Variants in PLCB1 observed in about 807,000 individuals in gnomAD.
The protein encoded by PLCB1 is phospholipase C beta 1, also known as 1-phosphatidylinositol 4,5-bisphosphate phosphodiesterase beta-1.
PLCB1 carries 46 observed loss-of-function variants against 161.8 expected under a neutral mutation model. That is an observed-to-expected ratio of 0.28 (90% CI 0.22 to 0.36). PLCB1 has a LOEUF of 0.36. Among genes scored for constraint, PLCB1 ranks in the 10% least tolerant of loss-of-function variants. PLCB1 has a pLI of 1.00. For synonymous variants in PLCB1, 517 were observed against 503.7 expected (o/e 1.03, Z -0.35); for missense variants, 1,016 against 1,472.5 (o/e 0.69, Z 5.07).
chr20:8,209,928 G>T (rs1978732943), intron 2 of PLCB1, among the ~76,000 whole-genome samples: 1 of 151,924 alleles, frequency 6.6e-6, no homozygotes, highest in Non-Finnish European at 1.5e-5. Flanking sequence ...ACATTGAACT[G>T]CTGGGCACAA....
At chr20:8,234,374 T>C (rs763521578) in intron 2 of PLCB1, among the ~76,000 whole-genome samples, 5 of 152,082 alleles carry the variant, frequency 3.3e-5, no homozygotes, top group Non-Finnish European at 5.9e-5. Flanking sequence ...AAATATGCAG[T>C]GTATGATTGT....
chr20:8,303,251 A>G (rs1983988319), intron 2 of PLCB1, among the ~76,000 whole-genome samples: 1 of 152,108 alleles, frequency 6.6e-6, no homozygotes, highest in Non-Finnish European at 1.5e-5. Flanking sequence ...CGGGGTTTCA[A>G]CGTAAAGGTC....
intron 2 of PLCB1, among the ~76,000 whole-genome samples, chr20:8,342,690 C>T (rs1334407540): frequency 6.6e-6 from 1 of 152,202 alleles, no homozygotes; most frequent in Non-Finnish European, 1.5e-5. Context: ...AACCTGTTCT[C>T]AGCAAATCCC....
intron 3 of PLCB1, among the ~76,000 whole-genome samples, chr20:8,456,432 T>G (rs1232716445): frequency 1.3e-5 from 2 of 152,234 alleles, no homozygotes; most frequent in African/African-American, 2.4e-5. Context: ...GTTTGTTTAG[T>G]AGCACTGGTT....
intron 2 of PLCB1, among the ~76,000 whole-genome samples, chr20:8,300,817 A>G (rs1983875547): frequency 6.6e-6 from 1 of 152,130 alleles, no homozygotes; most frequent in South Asian, 2.1e-4. Context: ...GAAGACAGGA[A>G]TGGATTGGCA....
chr20:8,635,102 T>C (rs1434851536), intron 4 of PLCB1, among the ~76,000 whole-genome samples: 3 of 152,192 alleles, frequency 2.0e-5, no homozygotes, highest in Non-Finnish European at 4.4e-5. Context: ...ATATTTTCAA[T>C]TACAGTCATT....
At chr20:8,471,224 C>T (rs1982038864) in intron 3 of PLCB1, among the ~76,000 whole-genome samples, 1 of 152,092 alleles carries the variant, frequency 6.6e-6, no homozygotes, top group Admixed American at 6.6e-5. Flanking sequence ...ACCATAGGCT[C>T]AATAAACGGG....
rs149774067 is a variant in PLCB1 at position 8,133,610 on chromosome 20, C to T, written c.99+860C>T. Reference sequence around the variant, plus strand: ...AATGACTTCCCCTTCCCCTCTACCCCAGTTGTCTTCAAAACACGTAAATTA... The same window carrying T: ...AATGACTTCCCCTTCCCCTCTACCCTAGTTGTCTTCAAAACACGTAAATTA... On this transcript the variant is annotated intron_variant, in intron 1 of 31. Transcript: ENST00000338037. 2.5e-3 allele frequency among the ~76,000 whole-genome samples: 377 copies of T among 152,308 alleles called. 1 individual carries two copies. Among genetic ancestry groups the T allele is most frequent in the African/African-American group, 7.8e-3 (324 of 41,552 alleles).
chr20:8,556,892 A>T (rs1985974557), intron 3 of PLCB1, among the ~76,000 whole-genome samples: 1 of 151,564 alleles, frequency 6.6e-6, no homozygotes, highest in Non-Finnish European at 1.5e-5. Flanking sequence ...AAGATGCATA[A>T]CATCAGTAAT....
intron 11 of PLCB1, among the ~76,000 whole-genome samples, chr20:8,707,020 CA>C (rs1427055668): frequency 2.6e-5 from 4 of 152,162 alleles, no homozygotes; most frequent in Non-Finnish European, 4.4e-5. Flanking sequence ...TCAAATAAAT[CA>C]AATATAGCAT....
intron 11 of PLCB1, among the ~76,000 whole-genome samples, chr20:8,703,459 T>C (rs1043851690): frequency 6.6e-6 from 1 of 152,066 alleles, no homozygotes; most frequent in Non-Finnish European, 1.5e-5. Context: ...GTAGAAGGTG[T>C]GGGCATCCTC....
intron 3 of PLCB1, among the ~76,000 whole-genome samples, chr20:8,604,298 G>C (rs1600186279): frequency 7.1e-6 from 1 of 139,906 alleles, no homozygotes; most frequent in Admixed American, 7.2e-5. Flanking sequence ...GATATTTTAT[G>C]TTATGTAAAT....
intron 31 of PLCB1, among the ~76,000 whole-genome samples, chr20:8,806,082 C>G (rs1196699936): frequency 6.6e-6 from 1 of 152,166 alleles, no homozygotes; most frequent in Non-Finnish European, 1.5e-5. Flanking sequence ...TTAAACATCA[C>G]AGGCAGCACG....
intron 2 of PLCB1, among the ~76,000 whole-genome samples, chr20:8,271,179 C>G (rs1036333344): frequency 2.6e-5 from 4 of 152,028 alleles, no homozygotes; most frequent in African/African-American, 9.7e-5. Flanking sequence ...TTTGGTTTGC[C>G]TAGAAGAAAT....
chr20:8,768,726 C>T (rs1031362029), intron 26 of PLCB1, among the ~76,000 whole-genome samples: 6 of 152,162 alleles, frequency 3.9e-5, no homozygotes, highest in Non-Finnish European at 7.3e-5. Flanking sequence ...TGGCGTGGTG[C>T]CCCCTGAGAT....
At chr20:8,207,533 T>C (rs988017970) in intron 2 of PLCB1, among the ~76,000 whole-genome samples, 2 of 146,736 alleles carry the variant, frequency 1.4e-5, no homozygotes, top group African/African-American at 2.7e-5. Flanking sequence ...CCAGAGGTGG[T>C]ATTTTCTTTT....
intron 25 of PLCB1, among the ~76,000 whole-genome samples, chr20:8,762,550 A>G (rs1014982903): frequency 1.3e-5 from 2 of 152,236 alleles, no homozygotes; most frequent in Admixed American, 1.3e-4. Flanking sequence ...TATAGCTGAT[A>G]TGCTGTAAAC....
chr20:8,508,194 A>T lies in PLCB1; in HGVS notation c.247-120100A>T, dbSNP rs1600114388. Among the ~76,000 whole-genome samples, 3 of 152,260 alleles carry T rather than the reference A, an allele frequency of 2.0e-5. 1 individual carries two copies. In the East Asian group the frequency reaches 5.8e-4, roughly 29 times the overall value. On this transcript the variant is annotated intron_variant, in intron 3 of 31. Coordinates refer to ENST00000338037, the MANE Select transcript of PLCB1 (RefSeq NM_015192.4). ...AGGAGCAGTCGCCTGTCATGCTTCT[A>T]CCTATATTGCATGTATAGAAAAGGG...
At chr20:8,507,058 A>T (rs1302605162) in intron 3 of PLCB1, among the ~76,000 whole-genome samples, 1 of 152,184 alleles carries the variant, frequency 6.6e-6, no homozygotes, top group Non-Finnish European at 1.5e-5. Flanking sequence ...TTTGTATGCT[A>T]TGTATTGTAT....
Sources: allele counts gnomAD v4.1 joint callset (sites outside exome capture counted in the v4.1 genomes callset), GRCh38; gene constraint gnomAD v4.1.1; transcripts MANE v1.5; gene names NCBI Gene and HGNC (gene_info 2026-07-23, HGNC 2026-07-21).